Variants in DCLK2 observed in about 807,000 individuals in gnomAD.
DCLK2 encodes serine/threonine-protein kinase DCLK2.
In DCLK2, 31 loss-of-function variants were observed where a neutral mutation model predicts 78.4. The observed-to-expected ratio is 0.40, with a 90% CI of 0.30 to 0.53. DCLK2 has a LOEUF of 0.53. DCLK2 is among the 20% of genes least tolerant of loss of function. The pLI, the probability that DCLK2 is intolerant of heterozygous loss-of-function variation, is 0.61. For missense variants in DCLK2, 872 were observed against 973.7 expected (o/e 0.90, Z 1.39); for synonymous variants, 407 against 374.9 (o/e 1.09, Z -0.99).
chr4:150,087,440 G>A (rs932708074), intron 1 of DCLK2, among the ~76,000 whole-genome samples: 7 of 152,164 alleles, frequency 4.6e-5, no homozygotes, highest in African/African-American at 1.7e-4. Context: ...TTTTGAAATA[G>A]CAATGTGAGG....
At chr4:150,098,658 GT>G (rs56142828) in intron 1 of DCLK2, among the ~76,000 whole-genome samples, 27,036 of 150,440 alleles carry the variant, frequency 0.18, 2,573 homozygotes, top group Admixed American at 0.22. Flanking sequence ...GTTGGCAAGA[GT>G]TTAACAAAGT....
At chr4:150,198,835 A>T (rs1007630675) in intron 4 of DCLK2, among the ~76,000 whole-genome samples, 1 of 151,946 alleles carries the variant, frequency 6.6e-6, no homozygotes, top group East Asian at 1.9e-4. Flanking sequence ...ATCAATAACA[A>T]TGGCCTCAAG....
At chr4:150,215,761 G>A (rs931335824) in intron 5 of DCLK2, among the ~76,000 whole-genome samples, 2 of 152,220 alleles carry the variant, frequency 1.3e-5, no homozygotes, top group African/African-American at 4.8e-5. Context: ...TCTAAGCCCA[G>A]CAAAGCCGGT....
intron 5 of DCLK2, among the ~76,000 whole-genome samples, chr4:150,207,622 C>T (rs934101139): frequency 3.3e-5 from 5 of 152,122 alleles, no homozygotes; most frequent in East Asian, 1.9e-4. Context: ...AAGCCAGTAG[C>T]GGAAGGAAAG....
intron 2 of DCLK2, among the ~76,000 whole-genome samples, chr4:150,132,911 A>G (rs1733425501): frequency 1.3e-5 from 2 of 152,208 alleles, no homozygotes; most frequent in Admixed American, 6.5e-5. Context: ...TACAGGGATA[A>G]GCCACCATGC....
chr4:150,183,073 A>G (rs1737647363), intron 2 of DCLK2, among the ~76,000 whole-genome samples: 1 of 152,130 alleles, frequency 6.6e-6, no homozygotes, highest in African/African-American at 2.4e-5. Flanking sequence ...TCTTCCCATT[A>G]CGTCTTCTAT....
At chr4:150,162,283 C>T (rs942450240) in intron 2 of DCLK2, among the ~76,000 whole-genome samples, 7 of 152,128 alleles carry the variant, frequency 4.6e-5, no homozygotes, top group Non-Finnish European at 1.0e-4. Flanking sequence ...CCTCCAACCT[C>T]GGCCTCTCAA....
chr4:150,200,371 T>A (rs960328287), intron 4 of DCLK2, among the ~76,000 whole-genome samples: 8 of 152,204 alleles, frequency 5.3e-5, no homozygotes, highest in African/African-American at 1.7e-4. Flanking sequence ...ATCTTTTTTA[T>A]AAGAGATTAA....
intron 5 of DCLK2, among the ~76,000 whole-genome samples, chr4:150,220,141 C>G (rs986523018): frequency 6.6e-6 from 1 of 152,126 alleles, no homozygotes; most frequent in Non-Finnish European, 1.5e-5. Flanking sequence ...CTTTTATGTC[C>G]CTTCTCTGGA....
rs1742169417 is a variant in DCLK2 at position 150,232,664 on chromosome 4, C to A, written c.1420-18C>A. On this transcript the variant is annotated intron_variant, in intron 9 of 15. Transcript: ENST00000296550. ...TGCACTGTTGATGCTTTGATATGTT[C>A]TTTTATGTATCGTTTAGGGTGGAGA... 1 of 1,612,436 alleles carries A rather than the reference C, an allele frequency of 6.2e-7. No homozygotes were observed. The highest frequency in any genetic ancestry group is 8.5e-7 in the Non-Finnish European group (1 of 1,178,806).
intron 2 of DCLK2, among the ~76,000 whole-genome samples, chr4:150,130,434 GCCACACCCGTAC>G (rs1201604540): frequency 3.3e-5 from 5 of 152,002 alleles, no homozygotes; most frequent in African/African-American, 1.2e-4. Context: ...CCATCACCCA[GCCACACCCGTAC>G]CCACACATGT....
At chr4:150,088,406 T>C (rs62887563) in intron 1 of DCLK2, among the ~76,000 whole-genome samples, 1 of 137,206 alleles carries the variant, frequency 7.3e-6, no homozygotes, top group Non-Finnish European at 1.6e-5. Flanking sequence ...TTTTTTTTTT[T>C]CGTATATATA....
chr4:150,156,784 TA>T (rs1735313769), intron 2 of DCLK2, among the ~76,000 whole-genome samples: 1 of 144,234 alleles, frequency 6.9e-6, no homozygotes, highest in Non-Finnish European at 1.5e-5. Context: ...TTTATTTATT[TA>T]TTTATTTTTT....
intron 14 of DCLK2, among the ~76,000 whole-genome samples, chr4:150,249,141 A>G (rs1261170441): frequency 6.6e-6 from 1 of 152,032 alleles, no homozygotes; most frequent in Non-Finnish European, 1.5e-5. Context: ...TAGCTAAGAT[A>G]CCACATTTTT....
chr4:150,082,794 A>T (rs1443834428), intron 1 of DCLK2, among the ~76,000 whole-genome samples: 1 of 152,182 alleles, frequency 6.6e-6, no homozygotes, highest in Non-Finnish European at 1.5e-5. Flanking sequence ...TTAGGGACTG[A>T]TTCAGAATTC....
intron 2 of DCLK2, among the ~76,000 whole-genome samples, chr4:150,192,851 GA>G (rs1738566487): frequency 6.6e-6 from 1 of 152,108 alleles, no homozygotes; most frequent in Non-Finnish European, 1.5e-5. Flanking sequence ...CATCTGTGGG[GA>G]ACCTGGGGGA....
At chr4:150,111,054 C>T (rs1580521626) in intron 2 of DCLK2, among the ~76,000 whole-genome samples, 1 of 152,112 alleles carries the variant, frequency 6.6e-6, no homozygotes, top group East Asian at 1.9e-4. Flanking sequence ...TTTAAGAAGG[C>T]TTTGTACTGT....
chr4:150,145,143 A>C (rs1470358036), intron 2 of DCLK2, among the ~76,000 whole-genome samples: 2 of 152,086 alleles, frequency 1.3e-5, no homozygotes, highest in Admixed American at 1.3e-4. Flanking sequence ...AATGGAATTG[A>C]GTTCTTGATT....
intron 2 of DCLK2, among the ~76,000 whole-genome samples, chr4:150,149,864 A>G (rs1184448378): frequency 6.6e-6 from 1 of 152,222 alleles, no homozygotes; most frequent in East Asian, 1.9e-4. Context: ...TCAAAGTGCT[A>G]CTGAATTACA....
Sources: allele counts gnomAD v4.1 joint callset (sites outside exome capture counted in the v4.1 genomes callset), GRCh38; gene constraint gnomAD v4.1.1; transcripts MANE v1.5; gene names NCBI Gene and HGNC (gene_info 2026-07-23, HGNC 2026-07-21).